ITPK1: variants seen among roughly 807,000 people sequenced by gnomAD.
ITPK1 encodes inositol-tetrakisphosphate 1-kinase.
In ITPK1, 21 loss-of-function variants were observed where a neutral mutation model predicts 45.3. The ratio of observed to expected loss-of-function variants is 0.46; its 90% confidence interval spans 0.33 to 0.67. The LOEUF (loss-of-function observed/expected upper bound fraction) is 0.67, where lower values mean the gene tolerates loss of function less well. Among genes scored for constraint, ITPK1 ranks in the 30% least tolerant of loss-of-function variants. The probability of loss-of-function intolerance (pLI) is 0.02; values close to 1 mark genes in which losing one functional copy is unlikely to be tolerated. For synonymous variants in ITPK1, 258 were observed against 253.6 expected, an observed-to-expected ratio of 1.02 and a Z score of -0.16; for missense variants, 474 against 573.5, an observed-to-expected ratio of 0.83 and a Z score of 1.77.
intron 4 of ITPK1, among the ~76,000 whole-genome samples, chr14:93,002,042 C>G (rs1887382226): frequency 6.6e-6 from 1 of 152,182 alleles, no homozygotes; most frequent in Admixed American, 6.5e-5. Flanking sequence ...CCGTTAGCAG[C>G]CTCATTTGAC....
At position 92,958,369 on chromosome 14, in the gene ITPK1, G is replaced by A; in HGVS notation, c.505-3C>T. ...TCCTGGTTGAACACGATAGCCATCT[G>A]GGAAGACAAGGGGTCAAAAGCTCTG... On this transcript the variant is annotated splice_region_variant and splice_polypyrimidine_tract_variant and intron_variant, in intron 7 of 10. Transcript: ENST00000267615. This position sits in a 1 kb window ranked among gnomAD's most constrained non-coding sequence, Gnocchi z 4.4. 2 of 1,613,968 alleles carry A rather than the reference G, an allele frequency of 1.2e-6. No individual in the cohort carries two copies. Among genetic ancestry groups the A allele is most frequent in the Non-Finnish European group, 1.7e-6 (2 of 1,179,944 alleles).
chr14:93,040,251 G>T (rs1370890282), intron 3 of ITPK1, among the ~76,000 whole-genome samples: 1 of 152,236 alleles, frequency 6.6e-6, no homozygotes, highest in East Asian at 1.9e-4. Flanking sequence ...CTGTGTCAGG[G>T]TGGACAATGG....
intron 3 of ITPK1, among the ~76,000 whole-genome samples, chr14:93,075,252 A>G: frequency 7.1e-6 from 1 of 141,402 alleles, no homozygotes. Context: ...ACTTGAACCC[A>G]GGAGGCAGAG....
intron 2 of ITPK1, 149 bp downstream of exon 2, chr14:93,114,920 G>C (rs1028127284): frequency 6.1e-6 from 3 of 495,402 alleles, no homozygotes; most frequent in Non-Finnish European, 7.0e-6. Flanking sequence ...CCGCCACCTG[G>C]CTGCTCGGAC....
chr14:92,953,641 A>G (rs577345718), intron 8 of ITPK1, among the ~76,000 whole-genome samples: 1 of 152,298 alleles, frequency 6.6e-6, no homozygotes, highest in Non-Finnish European at 1.5e-5. Context: ...GAGAAGGCCC[A>G]GGGGGAGGAA....
intron 8 of ITPK1, among the ~76,000 whole-genome samples, chr14:92,957,054 G>T (rs1215799611): frequency 6.6e-6 from 1 of 152,234 alleles, no homozygotes; most frequent in Non-Finnish European, 1.5e-5. Context: ...GGAAAGAGAA[G>T]AGGCATCTAG....
intron 3 of ITPK1, among the ~76,000 whole-genome samples, chr14:93,031,641 C>A (rs769589648): frequency 1.3e-5 from 2 of 152,120 alleles, no homozygotes; most frequent in Admixed American, 6.5e-5. Flanking sequence ...CATAGACCCC[C>A]CTAAGGCCTC....
rs376332031 is a variant in ITPK1, at chr14:93,115,045, C to G, written c.95+24G>C. 387 of 1,517,832 alleles carry G rather than the reference C, an allele frequency of 2.5e-4. No individual in the cohort carries two copies. In the African/African-American group the frequency reaches 5.0e-3, roughly 20 times the overall value. 94.0% of individuals were successfully genotyped at this position (1,517,832 alleles called of 1,614,324 possible). On this transcript the variant is annotated intron_variant, in intron 2 of 10. Coordinates refer to ENST00000267615, the MANE Select transcript of ITPK1 (RefSeq NM_014216.6). The stretch of plus-strand genomic sequence containing the variant: ...CGGGCTCGGGCCGGGGGTCCCCGGG[C>G]GCCGGCGCCGCGTCCCTCCTTACCT...
chr14:93,041,788 T>C (rs1432001440), intron 3 of ITPK1, among the ~76,000 whole-genome samples: 1 of 152,128 alleles, frequency 6.6e-6, no homozygotes, highest in Non-Finnish European at 1.5e-5. Context: ...GCACTACAGG[T>C]GACAAGAGTT....
At chr14:93,022,960 T>G (rs1250790655) in intron 3 of ITPK1, among the ~76,000 whole-genome samples, 1 of 152,236 alleles carries the variant, frequency 6.6e-6, no homozygotes, top group Non-Finnish European at 1.5e-5. Flanking sequence ...ACATTTACTG[T>G]GGAAAAGGCT....
intron 5 of ITPK1, among the ~76,000 whole-genome samples, chr14:92,969,583 C>T (rs1885547242): frequency 6.6e-6 from 1 of 152,228 alleles, no homozygotes; most frequent in Non-Finnish European, 1.5e-5. Flanking sequence ...TACCAGCAGA[C>T]AAGCCCCTTC....
At chr14:93,097,789 A>G (rs1418674000) in intron 2 of ITPK1, among the ~76,000 whole-genome samples, 1 of 152,188 alleles carries the variant, frequency 6.6e-6, no homozygotes, top group African/African-American at 2.4e-5. Flanking sequence ...TGGGCGGATC[A>G]CTTTGGGTCA....
intron 2 of ITPK1, among the ~76,000 whole-genome samples, chr14:93,095,256 A>T (rs744479): frequency 0.05 from 7,596 of 152,308 alleles, 338 homozygotes; most frequent in African/African-American, 0.11. Context: ...ATTTGTAGTA[A>T]TTGTAAATAA....
chr14:92,938,392 C>A lies in ITPK1; in HGVS notation c.*3169G>T. ...TGGTCTTCCAGGCTAGAAGGACAAA[C>A]GACAGGCTGGCTCCCTTGGTCTTGG... On this transcript the variant is annotated 3_prime_UTR_variant, in exon 11 of 11. Coordinates refer to ENST00000267615, the MANE Select transcript of ITPK1 (RefSeq NM_014216.6). The A allele has an allele frequency of 9.9e-7, 1 of 1,009,358 alleles. No individual in the cohort carries two copies. Among genetic ancestry groups the A allele is most frequent in the Non-Finnish European group, 1.6e-6 (1 of 634,606 alleles). 62.5% of individuals were successfully genotyped at this position (1,009,358 alleles called of 1,614,324 possible). A position where few individuals can be genotyped will look rare whatever the true frequency, so the allele number is the denominator to read the frequency against.
chr14:93,039,596 G>A (rs1234578690), intron 3 of ITPK1, among the ~76,000 whole-genome samples: 1 of 152,200 alleles, frequency 6.6e-6, no homozygotes, highest in African/African-American at 2.4e-5. Context: ...TCTTGAATCC[G>A]CTGCTCGCAG....
intron 2 of ITPK1, among the ~76,000 whole-genome samples, chr14:93,086,288 C>CAG (rs1410120364): frequency 6.6e-6 from 1 of 152,204 alleles, no homozygotes; most frequent in African/African-American, 2.4e-5. Context: ...GATGCTGACA[C>CAG]TCTTTGAAAG....
chr14:93,110,086 G>C (rs1305806352), intron 2 of ITPK1, among the ~76,000 whole-genome samples: 2 of 152,160 alleles, frequency 1.3e-5, no homozygotes, highest in Non-Finnish European at 2.9e-5. Flanking sequence ...GCACAGAGGG[G>C]TAGGGAATGT....
At chr14:92,966,111 G>T (rs1885341650) in intron 5 of ITPK1, among the ~76,000 whole-genome samples, 1 of 152,194 alleles carries the variant, frequency 6.6e-6, no homozygotes, top group African/African-American at 2.4e-5. Context: ...AAACTCCCAG[G>T]CTCAAGGGAT....
intron 10 of ITPK1, 46 bp from the exon 11 acceptor site, chr14:92,941,950 C>A: frequency 6.4e-7 from 1 of 1,552,252 alleles, no homozygotes; most frequent in African/African-American, 1.4e-5. Flanking sequence ...GCCAGGGGCA[C>A]GCATCATGCA....
Sources: allele counts gnomAD v4.1 joint callset (sites outside exome capture counted in the v4.1 genomes callset), GRCh38; gene constraint gnomAD v4.1.1; non-coding constraint Gnocchi (gnomAD v3.1); transcripts MANE v1.5; gene names NCBI Gene and HGNC (gene_info 2026-07-23, HGNC 2026-07-21).